KCNF1: variants seen among roughly 807,000 people sequenced by gnomAD.
The protein encoded by KCNF1 is potassium voltage-gated channel modifier subfamily F member 1, also known as voltage-gated potassium channel regulatory subunit KCNF1.
Under a neutral mutation model 28.6 loss-of-function variants are expected in KCNF1, and 9 were observed. The observed-to-expected ratio is 0.31, with a 90% CI of 0.19 to 0.55. The LOEUF (loss-of-function observed/expected upper bound fraction) is 0.55. Among genes scored for constraint, KCNF1 ranks in the 20% least tolerant of loss-of-function variants. The probability of loss-of-function intolerance (pLI) is 0.93; values close to 1 mark genes in which losing one functional copy is unlikely to be tolerated. For missense variants in KCNF1, 461 were observed against 684.2 expected, an observed-to-expected ratio of 0.67 and a Z score of 3.64; for synonymous variants, 328 against 299.6, an observed-to-expected ratio of 1.09 and a Z score of -0.98.
Position 10,913,760 on chromosome 2 carries a change from C to T in KCNF1, c.1334C>T (p.Ser445Phe), listed in dbSNP as rs777899692. 6.2e-7 allele frequency: 1 copy of T among 1,611,010 alleles called. No individual in the cohort carries two copies. The highest frequency in any genetic ancestry group is 1.1e-5 in the South Asian group (1 of 90,550). The stretch of plus-strand genomic sequence containing the variant: ...GGGGGCGAGGGCAAGACCGGGGGCT[C>T]CCGCAGTGACCTGGACAACCTCCCT... ...SSGGEGKTGG[S>F]RSDLDNLPPE... is the part of the protein sequence containing the mutation. Residue 445 changes from serine to phenylalanine, a missense_variant, in exon 1 of 1, where the codon TCC becomes TTC. By Grantham distance (155) the Ser-to-Phe change is radical. Coordinates refer to ENST00000295082, the MANE Select transcript of KCNF1 (RefSeq NM_002236.5). The surrounding 1 kb of genome is among the most constrained non-coding windows in gnomAD (Gnocchi z 5.5).
rs1486045092 is a variant in KCNF1 at position 10,912,657 on chromosome 2, C to T, written c.231C>T (p.Phe77=). ...CDDYDPGKRE[F]YFDRDPDAFK... ...ACTACGACCCCGGCAAGCGCGAGTT[C>T]TACTTTGACAGGGACCCGGACGCCT... The change falls in exon 1 of 1, where the codon TTC becomes TTT. Residue 77 remains phenylalanine, a synonymous_variant. Coordinates refer to ENST00000295082, the MANE Select transcript of KCNF1 (RefSeq NM_002236.5). This position sits in a 1 kb window ranked among gnomAD's most constrained non-coding sequence, Gnocchi z 7.9. The T allele has an allele frequency of 6.2e-7, 1 of 1,613,912 alleles. No homozygotes were observed. Among genetic ancestry groups the T allele is most frequent in the African/African-American group, 1.3e-5 (1 of 74,906 alleles).
In KCNF1 at chr2:10,913,578, G is replaced by A; in HGVS notation, c.1152G>A (p.Lys384=). 2 of 1,613,514 alleles carry A rather than the reference G, an allele frequency of 1.2e-6. No individual in the cohort carries two copies. Among genetic ancestry groups the A allele is most frequent in the South Asian group, 1.1e-5 (1 of 91,078 alleles). ...TCTACCCCAAGACCACGCTGGGCAA[G>A]CTCAACGCGGCCATCAGCTTCTTGT... ...GDIYPKTTLG[K]LNAAISFLCG... Residue 384 remains lysine, a synonymous_variant, in exon 1 of 1, where the codon AAG becomes AAA. Coordinates refer to ENST00000295082, the MANE Select transcript of KCNF1 (RefSeq NM_002236.5). This position sits in a 1 kb window ranked among gnomAD's most constrained non-coding sequence, Gnocchi z 5.5.
At position 10,912,323 on chromosome 2, in the gene KCNF1, C is replaced by A; in HGVS notation, c.-104C>A. Reference sequence around the variant, plus strand: ...GCAGGCGGGCGCCGGCCAGGCTCTCCCCGAGATCAGCGCACGGGTGGCACC... The same window carrying A: ...GCAGGCGGGCGCCGGCCAGGCTCTCACCGAGATCAGCGCACGGGTGGCACC... On this transcript the variant is annotated 5_prime_UTR_variant, in exon 1 of 1. Coordinates refer to ENST00000295082, the MANE Select transcript of KCNF1 (RefSeq NM_002236.5). The surrounding 1 kb of genome is among the most constrained non-coding windows in gnomAD (Gnocchi z 7.9). The A allele has an allele frequency of 1.0e-6, 1 of 964,502 alleles. No individual in the cohort carries two copies. The highest frequency in any genetic ancestry group is 1.7e-5 in the African/African-American group (1 of 58,160). The allele number at this position is 964,502 out of a possible 1,614,324, so 59.7% of individuals were successfully genotyped here.
Position 10,913,821 on chromosome 2 carries a change from C to T in KCNF1, c.1395C>T (p.Ser465=). 2 of 1,567,896 alleles carry T rather than the reference C, an allele frequency of 1.3e-6. No individual in the cohort carries two copies. The highest frequency in any genetic ancestry group is 2.3e-5 in the East Asian group (1 of 44,426). ...EPAGKEAPSC[S]SRLKLSHSDT... ...CGGGGAAGGAGGCGCCGAGCTGCAG[C>T]AGCCGGCTGAAGCTCTCCCACAGCG... is the stretch of plus-strand genomic sequence containing the variant. Residue 465 remains serine (S), a synonymous_variant, in exon 1 of 1, where the codon AGC becomes AGT. Coordinates refer to ENST00000295082, the MANE Select transcript of KCNF1 (RefSeq NM_002236.5). This position sits in a 1 kb window ranked among gnomAD's most constrained non-coding sequence, Gnocchi z 5.5.
rs1374457615 is a variant in KCNF1 at position 10,913,434 on chromosome 2, C to T, written c.1008C>T (p.Phe336=). ...LLLMYLAVGI[F]VFSALGYTME... is the part of the protein sequence containing the mutation. ...TCATGTACCTGGCAGTGGGTATCTT[C>T]GTCTTCTCTGCCCTGGGCTACACCA... Residue 336 remains phenylalanine, a synonymous_variant, in exon 1 of 1, where the codon TTC becomes TTT. Coordinates refer to ENST00000295082, the MANE Select transcript of KCNF1 (RefSeq NM_002236.5). The surrounding 1 kb of genome is among the most constrained non-coding windows in gnomAD (Gnocchi z 5.5). The T allele has an allele frequency of 5.0e-6, 8 of 1,614,068 alleles. No homozygotes were observed. The highest frequency in any genetic ancestry group is 2.7e-5 in the African/African-American group (2 of 74,954).
rs545913143 is a variant in KCNF1, at chr2:10,914,007, C to T, written c.*96C>T. The T allele has an allele frequency of 2.9e-6, 4 of 1,362,982 alleles. No homozygotes were observed. The highest frequency in any genetic ancestry group is 2.8e-5 in the Admixed American group (1 of 36,124). The allele number at this position is 1,362,982 out of a possible 1,614,324, so 84.4% of individuals were successfully genotyped here. ...ACAGCACAGAAGGGCTGTCCTGTGT[C>T]CCCCCAACCCTCCCCTGGACAGACT... On this transcript the variant is annotated 3_prime_UTR_variant, in exon 1 of 1. Coordinates refer to ENST00000295082, the MANE Select transcript of KCNF1 (RefSeq NM_002236.5).
Position 10,913,693 on chromosome 2 carries a change from G to A in KCNF1, c.1267G>A (p.Ala423Thr), listed in dbSNP as rs1423603893. 8 of 1,613,934 alleles carry A rather than the reference G, an allele frequency of 5.0e-6. No homozygotes were observed. The highest frequency in any genetic ancestry group is 6.8e-6 in the Non-Finnish European group (8 of 1,180,022). ...CAAGCAGCGCGTCCTGGAGACCGCG[G>A]CCAAGCACGAGCTGGAGCTGATGGA... The part of the protein sequence containing the change: ...YNKQRVLETA[A>T]KHELELMELN... The change falls in exon 1 of 1, where the codon GCC becomes ACC. Residue 423 changes from alanine to threonine, a missense_variant. Ala to Thr is a moderately conservative substitution (Grantham distance 58). Around this residue, in one of 4 missense-constraint regions of KCNF1, gnomAD observed 101 missense variants for 102.2 expected, o/e 0.99. Transcript: ENST00000295082. This position sits in a 1 kb window ranked among gnomAD's most constrained non-coding sequence, Gnocchi z 5.5.
At position 10,912,627 on chromosome 2, in the gene KCNF1, C is replaced by A. The variant is rs771646638; in HGVS notation, c.201C>A (p.Cys67Ter). ...AGGYDTIFSL[C>*]DDYDPGKREF... ...GCTACGACACCATCTTCTCCCTGTGCGACGACTACGACCCCGGCAAGCGCG... is the reference window on the plus strand; with the variant it reads ...GCTACGACACCATCTTCTCCCTGTGAGACGACTACGACCCCGGCAAGCGCG... Residue 67 changes from cysteine (C) to a stop codon, truncating the protein, a stop_gained, in exon 1 of 1, where the codon TGC becomes TGA. Transcript: ENST00000295082. LOFTEE classifies it high-confidence loss of function. The surrounding 1 kb of genome is among the most constrained non-coding windows in gnomAD (Gnocchi z 7.9). 6.2e-7 allele frequency: 1 copy of A among 1,613,440 alleles called. No individual in the cohort carries two copies. The highest frequency in any genetic ancestry group is 8.5e-7 in the Non-Finnish European group (1 of 1,179,782).
Position 10,912,890 on chromosome 2 carries a change from A to G in KCNF1, c.464A>G (p.Asp155Gly), listed in dbSNP as rs1661560200. Residue 155 changes from aspartate (D) to glycine (G), a missense_variant, in exon 1 of 1, where the codon GAC (aspartate) becomes GGC (glycine). Transcript: ENST00000295082. The surrounding 1 kb of genome is among the most constrained non-coding windows in gnomAD (Gnocchi z 7.9). Reference protein sequence around the residue: ...VQLILDDLGVDAAEGRWRRCQ... With the variant: ...VQLILDDLGVGAAEGRWRRCQ... ...CTCATCCTGGACGACCTGGGCGTGG[A>G]CGCAGCCGAGGGCCGCTGGCGCCGC... 6.2e-7 allele frequency: 1 copy of G among 1,612,424 alleles called. No individual in the cohort carries two copies. The highest frequency in any genetic ancestry group is 1.3e-5 in the African/African-American group (1 of 74,926).
chr2:10,913,856 TC>T lies in KCNF1; in HGVS notation c.1435del (p.Leu479SerfsTer2), dbSNP rs972503924. On this transcript the variant is annotated frameshift_variant, in exon 1 of 1. Transcript: ENST00000295082. LOFTEE classifies it high-confidence loss of function. This position sits in a 1 kb window ranked among gnomAD's most constrained non-coding sequence, Gnocchi z 5.5. ...RLKLSHSDTF[I>X]PLLTEEKHHR... is the part of the protein sequence containing the mutation. ...AAGCTCTCCCACAGCGACACCTTCA[TC>T]CCCCTCCTGACCGAGGAGAAGCACC... 7 of 1,536,070 alleles carry T rather than the reference TC, an allele frequency of 4.6e-6. No homozygotes were observed. Among genetic ancestry groups the T allele is most frequent in the Non-Finnish European group, 6.1e-6 (7 of 1,143,532 alleles).
Position 10,913,088 on chromosome 2 carries a change from C to A in KCNF1, c.662C>A (p.Thr221Lys). Residue 221 changes from threonine (T) to lysine (K), a missense_variant, in exon 1 of 1, where the codon ACG (threonine) becomes AAG (lysine). Physicochemically the swap from Thr to Lys is moderately conservative, Grantham distance 78 (BLOSUM62 -1). This residue lies in a region of KCNF1 where 193 missense variants were observed against 280.6 expected (regional missense o/e 0.69). Transcript: ENST00000295082. The surrounding 1 kb of genome is among the most constrained non-coding windows in gnomAD (Gnocchi z 5.5). ...GAGGGCAACCGCGTGGAGCACCCGA[C>A]GCTGGAGAACGTGGAGACGGCGTGC... Reference protein sequence around the residue: ...DAEGNRVEHPTLENVETACIG... With the variant: ...DAEGNRVEHPKLENVETACIG... 6.2e-7 allele frequency: 1 copy of A among 1,608,748 alleles called. No individual in the cohort carries two copies. The highest frequency in any genetic ancestry group is 1.1e-5 in the South Asian group (1 of 91,090).
Position 10,912,622 on chromosome 2 carries a change from C to T in KCNF1, c.196C>T (p.Leu66=), listed in dbSNP as rs1175485803. 6.2e-7 allele frequency: 1 copy of T among 1,613,742 alleles called. No homozygotes were observed. ...TGGGGGCTACGACACCATCTTCTCC[C>T]TGTGCGACGACTACGACCCCGGCAA... is the stretch of plus-strand genomic sequence containing the variant. ...LAGGYDTIFS[L]CDDYDPGKRE... is the part of the protein sequence containing the mutation. The change falls in exon 1 of 1, where the codon CTG becomes TTG. Residue 66 remains leucine (L), a synonymous_variant. Coordinates refer to ENST00000295082, the MANE Select transcript of KCNF1 (RefSeq NM_002236.5). The surrounding 1 kb of genome is among the most constrained non-coding windows in gnomAD (Gnocchi z 7.9).
chr2:10,913,945 G>A lies in KCNF1; in HGVS notation c.*34G>A, dbSNP rs767493587. 4.4e-5 allele frequency: 67 copies of A among 1,517,554 alleles called. No individual in the cohort carries two copies. The South Asian group carries it at 4.8e-4, about 11-fold the overall frequency. 94.0% of individuals were successfully genotyped at this position (1,517,554 alleles called of 1,614,324 possible). A position where few individuals can be genotyped will look rare whatever the true frequency, so the allele number is the denominator to read the frequency against. On this transcript the variant is annotated 3_prime_UTR_variant, in exon 1 of 1. Transcript: ENST00000295082. The surrounding 1 kb of genome is among the most constrained non-coding windows in gnomAD (Gnocchi z 5.5). ...CCCCTCAGGCAGAGATGGACCAGGC[G>A]GTGGACAGATGGGTAGATGTGGCAG...
chr2:10,912,301 G>A lies in KCNF1; in HGVS notation c.-126G>A, dbSNP rs1379414003. On this transcript the variant is annotated 5_prime_UTR_variant, in exon 1 of 1. Transcript: ENST00000295082. The surrounding 1 kb of genome is among the most constrained non-coding windows in gnomAD (Gnocchi z 7.9). ...CCCGCTGTGACCGCCCTTCCCCGCA[G>A]GCGGGCGCCGGCCAGGCTCTCCCCG... 1.4e-6 allele frequency: 1 copy of A among 708,478 alleles called. No individual in the cohort carries two copies. The highest frequency in any genetic ancestry group is 1.9e-6 in the Non-Finnish European group (1 of 533,842). 43.9% of individuals were successfully genotyped at this position (708,478 alleles called of 1,614,324 possible).
chr2:10,914,047 G>T lies in KCNF1; in HGVS notation c.*136G>T. 9.8e-7 allele frequency: 1 copy of T among 1,022,298 alleles called. No homozygotes were observed. The highest frequency in any genetic ancestry group is 1.4e-6 in the Non-Finnish European group (1 of 733,588). 63.3% of individuals were successfully genotyped at this position (1,022,298 alleles called of 1,614,324 possible). On this transcript the variant is annotated 3_prime_UTR_variant, in exon 1 of 1. Coordinates refer to ENST00000295082, the MANE Select transcript of KCNF1 (RefSeq NM_002236.5). ...CTGGACAGACTCTGAAGGCCCTCCCGGCACCTCTGCCAAGGCTGGGTAAGA... is the reference window on the plus strand; with the variant it reads ...CTGGACAGACTCTGAAGGCCCTCCCTGCACCTCTGCCAAGGCTGGGTAAGA...
In KCNF1 at chr2:10,914,194, A is replaced by G; in HGVS notation, c.*283A>G. The stretch of plus-strand genomic sequence containing the variant: ...CACGAGAGCCCACGCCCGCTTCTGT[A>G]TCTCCCTCAATAAAGCCTCCTGCTC... On this transcript the variant is annotated 3_prime_UTR_variant, in exon 1 of 1. Transcript: ENST00000295082. 2 of 377,220 alleles carry G rather than the reference A, an allele frequency of 5.3e-6. No homozygotes were observed. Among genetic ancestry groups the G allele is most frequent in the Non-Finnish European group, 9.8e-6 (2 of 203,604 alleles). The allele number at this position is 377,220 out of a possible 1,614,324, so 23.4% of individuals were successfully genotyped here.
In KCNF1 at chr2:10,912,576, G is replaced by C; in HGVS notation, c.150G>C (p.Ala50=). Reference sequence around the variant, plus strand: ...GTCAGTACCCTGAGACCCGGCTGGCGGAGCTCATCAACTGCTTGGCTGGGG... The same window carrying C: ...GTCAGTACCCTGAGACCCGGCTGGCCGAGCTCATCAACTGCTTGGCTGGGG... ...LLSQYPETRL[A]ELINCLAGGY... is the part of the protein sequence containing the mutation. Residue 50 remains alanine (A), a synonymous_variant, in exon 1 of 1, where the codon GCG becomes GCC. Coordinates refer to ENST00000295082, the MANE Select transcript of KCNF1 (RefSeq NM_002236.5). The surrounding 1 kb of genome is among the most constrained non-coding windows in gnomAD (Gnocchi z 7.9). 1 of 1,611,836 alleles carries C rather than the reference G, an allele frequency of 6.2e-7. No homozygotes were observed. Among genetic ancestry groups the C allele is most frequent in the Non-Finnish European group, 8.5e-7 (1 of 1,179,240 alleles).
chr2:10,914,039 G>C lies in KCNF1; in HGVS notation c.*128G>C. ...ACCCTCCCCTGGACAGACTCTGAAG[G>C]CCCTCCCGGCACCTCTGCCAAGGCT... On this transcript the variant is annotated 3_prime_UTR_variant, in exon 1 of 1. Transcript: ENST00000295082. 1 of 1,090,970 alleles carries C rather than the reference G, an allele frequency of 9.2e-7. No individual in the cohort carries two copies. Among genetic ancestry groups the C allele is most frequent in the South Asian group, 2.2e-5 (1 of 46,212 alleles). The allele number at this position is 1,090,970 out of a possible 1,614,324, so 67.6% of individuals were successfully genotyped here.
chr2:10,913,401 G>A lies in KCNF1; in HGVS notation c.975G>A (p.Gly325=). The stretch of plus-strand genomic sequence containing the variant: ...TCAAGCGCAGCTTCAAGGAACTGGG[G>A]CTGCTGCTCATGTACCTGGCAGTGG... ...YALKRSFKEL[G]LLLMYLAVGI... The change falls in exon 1 of 1, where the codon GGG becomes GGA. Residue 325 remains glycine (G), a synonymous_variant. Coordinates refer to ENST00000295082, the MANE Select transcript of KCNF1 (RefSeq NM_002236.5). This position sits in a 1 kb window ranked among gnomAD's most constrained non-coding sequence, Gnocchi z 5.5. The A allele has an allele frequency of 6.2e-7, 1 of 1,614,086 alleles. No individual in the cohort carries two copies. The highest frequency in any genetic ancestry group is 8.5e-7 in the Non-Finnish European group (1 of 1,179,940).
Sources: gnomAD v4.1 joint callset for allele counts on GRCh38, gnomAD v4.1.1 for gene constraint, gnomAD v4.1.1 regional missense constraint, Gnocchi (gnomAD v3.1) non-coding constraint, MANE v1.5 for transcripts, NCBI Gene and HGNC (gene_info 2026-07-23, HGNC 2026-07-21) for gene names.